The following ARFGEF3 variants were observed in gnomAD, a reference collection of about 807,000 sequenced individuals.
ARFGEF3 encodes the protein brefeldin A-inhibited guanine nucleotide-exchange protein 3.
Under a neutral mutation model 221.7 loss-of-function variants are expected in ARFGEF3, and 96 were observed. The observed-to-expected ratio is 0.43, with a 90% CI of 0.37 to 0.51. ARFGEF3 has a LOEUF of 0.51. Ranked by LOEUF, ARFGEF3 falls within the 20% of genes least tolerant of loss-of-function variation. The probability of loss-of-function intolerance (pLI) is 0.00; values close to 1 mark genes in which losing one functional copy is unlikely to be tolerated. For synonymous variants in ARFGEF3, 1,145 were observed against 1,126.8 expected, an observed-to-expected ratio of 1.02 and a Z score of -0.32; for missense variants, 2,410 against 2,789.9, an observed-to-expected ratio of 0.86 and a Z score of 3.07.
At chr6:138,167,359 C>A (rs1345267468) in intron 1 of ARFGEF3, among the ~76,000 whole-genome samples, 2 of 152,200 alleles carry the variant, frequency 1.3e-5, no homozygotes, top group East Asian at 3.8e-4. Context: ...CTAGTCGACA[C>A]CAGTGCTCTG....
In ARFGEF3 at chr6:138,336,620, T is replaced by C; in HGVS notation, c.*134T>C. On this transcript the variant is annotated 3_prime_UTR_variant, in exon 34 of 34. Transcript: ENST00000251691. ...TGTCTCAGAGAACAGTGTTTCCTAA[T>C]GTAAAAAGCCTTTCCAACCACTGAT... 1.4e-6 allele frequency: 1 copy of C among 697,866 alleles called. No individual in the cohort carries two copies. The highest frequency in any genetic ancestry group is 3.1e-5 in the East Asian group (1 of 31,862). 43.2% of individuals were successfully genotyped at this position (697,866 alleles called of 1,614,324 possible).
chr6:138,170,573 G>GA, intron 1 of ARFGEF3, 89 bp from the exon 2 acceptor site: 2 of 716,672 alleles, frequency 2.8e-6, no homozygotes, highest in Non-Finnish European at 4.8e-6. Flanking sequence ...AGGAATTCCT[G>GA]AAAAGAGAAA....
At chr6:138,270,569 C>T (rs908933370) in intron 12 of ARFGEF3, among the ~76,000 whole-genome samples, 1 of 152,212 alleles carries the variant, frequency 6.6e-6, no homozygotes, top group Non-Finnish European at 1.5e-5. Flanking sequence ...CTCCCTGCAT[C>T]ACATTGCCTA....
chr6:138,319,278 T>TAAA (rs371788391), intron 27 of ARFGEF3, among the ~76,000 whole-genome samples: 1 of 142,588 alleles, frequency 7.0e-6, no homozygotes. Context: ...ATTGTTAAGT[T>TAAA]AAAAAAAAAA....
At chr6:138,311,315 T>C in intron 24 of ARFGEF3, 92 bp from the exon 25 acceptor site, 1 of 698,672 alleles carries the variant, frequency 1.4e-6, no homozygotes, top group African/African-American at 1.8e-5. Context: ...AGATATTTGG[T>C]GTACTAGTGC....
chr6:138,288,174 A>T (rs1422966817), intron 17 of ARFGEF3, among the ~76,000 whole-genome samples: 1 of 152,206 alleles, frequency 6.6e-6, no homozygotes, highest in Non-Finnish European at 1.5e-5. Context: ...ACTTGAGCCC[A>T]GGAGTTCAAG....
intron 30 of ARFGEF3, 94 bp downstream of exon 30, chr6:138,323,867 C>T (rs1026521163): frequency 1.3e-6 from 2 of 1,543,054 alleles, no homozygotes; most frequent in Non-Finnish European, 1.8e-6. Flanking sequence ...TCTGCCTCCT[C>T]TGAGCAGGCA....
chr6:138,286,715 C>T lies in ARFGEF3; in HGVS notation c.2584C>T (p.Arg862Cys), dbSNP rs759459619. ...CCATGTTCCAGGCGTGGCATTTGCT[C>T]GCTATATTCTGGTGGGCTGCTGGAA... ...DSTVAGVAFARYILVGCWKNL... is the reference protein window; with the variant it reads ...DSTVAGVAFACYILVGCWKNL... Residue 862 changes from arginine to cysteine, a missense_variant, in exon 16 of 34, where the codon CGC (arginine) becomes TGC (cysteine). Arg to Cys is a radical substitution (Grantham distance 180, BLOSUM62 -3). Around this residue, in one of 5 missense-constraint regions of ARFGEF3, gnomAD observed 594 missense variants for 734.3 expected, o/e 0.81. Transcript: ENST00000251691. The T allele has an allele frequency of 1.1e-5, 17 of 1,613,876 alleles. No individual in the cohort carries two copies. The highest frequency in any genetic ancestry group is 6.7e-5 in the Admixed American group (4 of 60,002).
intron 12 of ARFGEF3, among the ~76,000 whole-genome samples, chr6:138,274,969 C>T (rs1325849111): frequency 7.8e-5 from 10 of 128,376 alleles, no homozygotes; most frequent in African/African-American, 2.4e-4. Flanking sequence ...TAGCTGGGTG[C>T]GGTGGCACAT....
chr6:138,275,938 G>A (rs773861118), intron 12 of ARFGEF3, among the ~76,000 whole-genome samples: 4 of 152,080 alleles, frequency 2.6e-5, no homozygotes, highest in Non-Finnish European at 4.4e-5. Context: ...TTTTATTAAA[G>A]AATAATTTTA....
In ARFGEF3 at chr6:138,245,571, G is replaced by A; in HGVS notation, c.645G>A (p.Glu215=). 6.2e-7 allele frequency: 1 copy of A among 1,608,572 alleles called. No homozygotes were observed. Among genetic ancestry groups the A allele is most frequent in the Non-Finnish European group, 8.5e-7 (1 of 1,177,786 alleles). Residue 215 remains glutamate (E), a synonymous_variant, in exon 8 of 34, where the codon GAG becomes GAA. Transcript: ENST00000251691. The part of the protein sequence containing the change: ...DVVSVLTVLC[E]KLQAAINDSQ... The stretch of plus-strand genomic sequence containing the variant: ...TCTCTGTACTCACCGTCCTGTGTGA[G>A]AAGCTGCAAGCCGCCATAAAGTAAG...
intron 2 of ARFGEF3, among the ~76,000 whole-genome samples, chr6:138,199,545 A>G (rs942995539): frequency 1.3e-5 from 2 of 152,100 alleles, no homozygotes; most frequent in African/African-American, 4.8e-5. Flanking sequence ...GTCGTCTATG[A>G]TTTCTTTCAG....
intron 1 of ARFGEF3, among the ~76,000 whole-genome samples, chr6:138,168,986 G>A (rs777890497): frequency 2.6e-5 from 4 of 152,206 alleles, no homozygotes; most frequent in Non-Finnish European, 4.4e-5. Context: ...GACAGGAATT[G>A]GCACTGGCGT....
At position 138,194,225 on chromosome 6, in the gene ARFGEF3, G is replaced by GCTA. The variant is rs1777366357; in HGVS notation, c.138-12814_138-12812dup. ...AGAGGTTGCGGTGAGCCAAGATCAT[G>GCTA]CTACTGCACTCCAGCCTGGGTGACA... On this transcript the variant is annotated intron_variant, in intron 2 of 33. Coordinates refer to ENST00000251691, the MANE Select transcript of ARFGEF3 (RefSeq NM_020340.5). 2.0e-5 allele frequency among the ~76,000 whole-genome samples: 3 copies of GCTA among 149,598 alleles called. 1 individual carries two copies. The Admixed American group carries it at 2.0e-4, about 10-fold the overall frequency.
intron 2 of ARFGEF3, among the ~76,000 whole-genome samples, chr6:138,174,513 G>A (rs79295402): frequency 8.2e-6 from 1 of 121,730 alleles, no homozygotes; most frequent in Admixed American, 9.4e-5. Context: ...AAAAATCCAG[G>A]CACTGTAAAT....
At chr6:138,279,548 T>C (rs1779160633) in intron 13 of ARFGEF3, among the ~76,000 whole-genome samples, 1 of 152,258 alleles carries the variant, frequency 6.6e-6, no homozygotes, top group African/African-American at 2.4e-5. Flanking sequence ...AGGAAATCAA[T>C]AATCATTTGC....
chr6:138,230,808 T>G (rs1321432936), intron 5 of ARFGEF3, among the ~76,000 whole-genome samples: 1 of 152,252 alleles, frequency 6.6e-6, no homozygotes, highest in Non-Finnish European at 1.5e-5. Context: ...AAGAACACTT[T>G]CCTTTAACAC....
chr6:138,281,527 C>T (rs535143163), intron 14 of ARFGEF3, among the ~76,000 whole-genome samples: 6 of 152,316 alleles, frequency 3.9e-5, no homozygotes, highest in African/African-American at 1.4e-4. Context: ...CATGAGTACC[C>T]AGTGTTTAGC....
chr6:138,219,011 T>C (rs952211394), intron 4 of ARFGEF3, among the ~76,000 whole-genome samples: 4 of 152,112 alleles, frequency 2.6e-5, no homozygotes, highest in African/African-American at 9.7e-5. Flanking sequence ...CTATATAGGA[T>C]TAAAAACAAA....
Sources: allele counts gnomAD v4.1 joint callset (sites outside exome capture counted in the v4.1 genomes callset), GRCh38; gene constraint gnomAD v4.1.1; regional missense constraint gnomAD v4.1.1; transcripts MANE v1.5; gene names NCBI Gene and HGNC (gene_info 2026-07-23, HGNC 2026-07-21).